The following SIX6 variants were observed in gnomAD, a reference collection of about 807,000 sequenced individuals.
The protein encoded by SIX6 is SIX homeobox 6, also known as homeobox protein SIX6.
A neutral mutation model predicts 23.6 loss-of-function variants in SIX6; 14 were observed. The observed-to-expected ratio is 0.59, with a 90% CI of 0.39 to 0.93. The LOEUF (loss-of-function observed/expected upper bound fraction) is 0.93. Among genes scored for constraint, SIX6 ranks in the 40% least tolerant of loss-of-function variants. The probability of loss-of-function intolerance (pLI) is 0.00; values close to 1 mark genes in which losing one functional copy is unlikely to be tolerated. For missense variants in SIX6, 307 were observed against 325.6 expected, an observed-to-expected ratio of 0.94 and a Z score of 0.44; for synonymous variants, 128 against 144.9, an observed-to-expected ratio of 0.88 and a Z score of 0.84.
rs1213792967 is a variant in SIX6 at position 60,509,576 on chromosome 14, G to C, written c.178G>C (p.Val60Leu). The change falls in exon 1 of 2, where the codon GTG (valine) becomes CTG (leucine). Residue 60 changes from valine (V) to leucine (L), a missense_variant. Val to Leu is a conservative substitution (Grantham distance 32, BLOSUM62 1). Coordinates refer to ENST00000327720, the MANE Select transcript of SIX6 (RefSeq NM_007374.3). ...NESVLRARAI[V>L]AFHGGNYREL... is the part of the protein sequence containing the mutation. ...GTCGGTGCTACGCGCACGAGCCATC[G>C]TGGCCTTTCACGGTGGCAACTACCG... The C allele has an allele frequency of 1.2e-6, 2 of 1,612,808 alleles. No individual in the cohort carries two copies. The highest frequency in any genetic ancestry group is 1.7e-6 in the Non-Finnish European group (2 of 1,180,042).
Position 60,509,366 on chromosome 14 carries a change from C to A in SIX6, c.-33C>A, listed in dbSNP as rs770132232. ...CATCTGCTGCGTGTCCCGCTCCGGG[C>A]TCAGTGCCCTCGCCGCCGCCGGCAC... On this transcript the variant is annotated 5_prime_UTR_variant, in exon 1 of 2. Coordinates refer to ENST00000327720, the MANE Select transcript of SIX6 (RefSeq NM_007374.3). 1.1e-5 allele frequency: 18 copies of A among 1,583,808 alleles called. No individual in the cohort carries two copies. The highest frequency in any genetic ancestry group is 1.7e-4 in the Middle Eastern group (1 of 6,058).
chr14:60,511,392 C>T lies in SIX6; in HGVS notation c.*140C>T, dbSNP rs934235500. On this transcript the variant is annotated 3_prime_UTR_variant, in exon 2 of 2. Transcript: ENST00000327720. ...CCAGGGACCCGCGGGCTCGGGTTGC[C>T]GTTTCCCGCCCCACCCCGCGGCCGG... 4.8e-6 allele frequency: 5 copies of T among 1,039,116 alleles called. No homozygotes were observed. The highest frequency in any genetic ancestry group is 7.3e-6 in the Non-Finnish European group (5 of 689,120). 64.4% of individuals were successfully genotyped at this position (1,039,116 alleles called of 1,614,324 possible).
In SIX6 at chr14:60,512,358, T is replaced by TG. The variant is rs1397540389; in HGVS notation, c.*1107dup. 1 of 152,228 alleles carries TG rather than the reference T, an allele frequency of 6.6e-6. No homozygotes were observed. The highest frequency in any genetic ancestry group is 2.4e-5 in the African/African-American group (1 of 41,458). 9.4% of individuals were successfully genotyped at this position (152,228 alleles called of 1,614,324 possible). On this transcript the variant is annotated 3_prime_UTR_variant, in exon 2 of 2. Transcript: ENST00000327720. ...CAAAAGCAGCAGGCACCCATGATCA[T>TG]GCTAGAGTGAGCATATACTGCATTT...
intron 1 of SIX6, among the ~76,000 whole-genome samples, chr14:60,510,817 T>C (rs570504249): frequency 6.6e-6 from 1 of 152,244 alleles, no homozygotes; most frequent in African/African-American, 2.4e-5. Flanking sequence ...GGGAGGACAC[T>C]GCAAGCCCAG....
chr14:60,509,397 C>G lies in SIX6; in HGVS notation c.-2C>G. 1.3e-6 allele frequency: 2 copies of G among 1,599,238 alleles called. No homozygotes were observed. The highest frequency in any genetic ancestry group is 1.7e-6 in the Non-Finnish European group (2 of 1,179,822). Reference sequence around the variant, plus strand: ...GCCCTCGCCGCCGCCGGCACTGCCTCGATGTTCCAGCTGCCCATCTTGAAT... The same window carrying G: ...GCCCTCGCCGCCGCCGGCACTGCCTGGATGTTCCAGCTGCCCATCTTGAAT... On this transcript the variant is annotated 5_prime_UTR_variant, in exon 1 of 2. Transcript: ENST00000327720.
chr14:60,509,690 G>T lies in SIX6; in HGVS notation c.292G>T (p.Glu98Ter). The T allele has an allele frequency of 1.9e-6, 3 of 1,614,114 alleles. No individual in the cohort carries two copies. The highest frequency in any genetic ancestry group is 2.5e-6 in the Non-Finnish European group (3 of 1,180,032). ...GCTGTGGCTTGAAGCACACTACCAGGAGGCTGAGAAGCTGCGTGGAAGACC... is the reference window on the plus strand; with the variant it reads ...GCTGTGGCTTGAAGCACACTACCAGTAGGCTGAGAAGCTGCGTGGAAGACC... ...QALWLEAHYQ[E>*]AEKLRGRPLG... Residue 98 changes from glutamate (E) to a stop codon, truncating the protein, a stop_gained, in exon 1 of 2, where the codon GAG becomes TAG. Coordinates refer to ENST00000327720, the MANE Select transcript of SIX6 (RefSeq NM_007374.3). LOFTEE classifies it high-confidence loss of function.
rs896131760 is a variant in SIX6, at chr14:60,511,577, T to C, written c.*325T>C. 6 of 509,300 alleles carry C rather than the reference T, an allele frequency of 1.2e-5. No individual in the cohort carries two copies. Among genetic ancestry groups the C allele is most frequent in the South Asian group, 8.4e-5 (4 of 47,448 alleles). The allele number at this position is 509,300 out of a possible 1,614,324, so 31.5% of individuals were successfully genotyped here. A position where few individuals can be genotyped will look rare whatever the true frequency, so the allele number is the denominator to read the frequency against. ...CTGAGCGCCTGCCCAGATTCTCCCA[T>C]GGGTATTTCACGTCGAAAGGACGCT... On this transcript the variant is annotated 3_prime_UTR_variant, in exon 2 of 2. Transcript: ENST00000327720.
Position 60,509,724 on chromosome 14 carries a change from C to T in SIX6, c.326C>T (p.Pro109Leu). Residue 109 changes from proline (P) to leucine (L), a missense_variant, in exon 1 of 2, where the codon CCT becomes CTT. Physicochemically the swap from Pro to Leu is moderately conservative, Grantham distance 98. Coordinates refer to ENST00000327720, the MANE Select transcript of SIX6 (RefSeq NM_007374.3). ...AEKLRGRPLG[P>L]VDKYRVRKKF... Reference sequence around the variant, plus strand: ...AAGCTGCGTGGAAGACCCCTGGGACCTGTGGACAAGTACCGAGTAAGGAAG... The same window carrying T: ...AAGCTGCGTGGAAGACCCCTGGGACTTGTGGACAAGTACCGAGTAAGGAAG... 6.2e-7 allele frequency: 1 copy of T among 1,614,156 alleles called. No individual in the cohort carries two copies. The highest frequency in any genetic ancestry group is 8.5e-7 in the Non-Finnish European group (1 of 1,179,996).
Position 60,509,308 on chromosome 14 carries a change from C to T in SIX6, c.-91C>T. The T allele has an allele frequency of 3.5e-6, 4 of 1,153,386 alleles. No homozygotes were observed. The highest frequency in any genetic ancestry group is 4.7e-5 in the East Asian group (2 of 42,298). 71.4% of individuals were successfully genotyped at this position (1,153,386 alleles called of 1,614,324 possible). ...CCGCTGCCCCAATCCGCCTCATCAA[C>T]AAGCGCCTGGCACACTCAGCCAGGC... On this transcript the variant is annotated 5_prime_UTR_variant, in exon 1 of 2. Coordinates refer to ENST00000327720, the MANE Select transcript of SIX6 (RefSeq NM_007374.3).
Position 60,511,127 on chromosome 14 carries a change from C to A in SIX6, c.616C>A (p.Arg206=), listed in dbSNP as rs148118869. The part of the protein sequence containing the change: ...VLSQGSGRAL[R]AEGDGTPEVL... ...GTCACAGGGTTCCGGGCGGGCACTA[C>A]GGGCGGAGGGCGACGGCACGCCAGA... The change falls in exon 2 of 2, where the codon CGG becomes AGG. Residue 206 remains arginine, a synonymous_variant. Transcript: ENST00000327720. 1.2e-5 allele frequency: 20 copies of A among 1,612,688 alleles called. No homozygotes were observed. In the African/African-American group the frequency reaches 2.1e-4, roughly 17 times the overall value.
Position 60,511,280 on chromosome 14 carries a change from G to C in SIX6, c.*28G>C. On this transcript the variant is annotated 3_prime_UTR_variant, in exon 2 of 2. Coordinates refer to ENST00000327720, the MANE Select transcript of SIX6 (RefSeq NM_007374.3). ...TGCCCATCCAGGATGCTCAGAAGCA[G>C]ATTCCAGTGTAAAAACGAGAAAAAC... 6.2e-7 allele frequency: 1 copy of C among 1,611,190 alleles called. No homozygotes were observed. Among genetic ancestry groups the C allele is most frequent in the Non-Finnish European group, 8.5e-7 (1 of 1,178,004 alleles).
Position 60,511,748 on chromosome 14 carries a change from T to C in SIX6, c.*496T>C, listed in dbSNP as rs918611685. The stretch of plus-strand genomic sequence containing the variant: ...TTCTAAACATGCAGGCTGGTGGTGA[T>C]GGGTTCTGTGTGGAGAAGCCAAACA... On this transcript the variant is annotated 3_prime_UTR_variant, in exon 2 of 2. Coordinates refer to ENST00000327720, the MANE Select transcript of SIX6 (RefSeq NM_007374.3). 21 of 221,466 alleles carry C rather than the reference T, an allele frequency of 9.5e-5. No individual in the cohort carries two copies. Among genetic ancestry groups the C allele is most frequent in the Middle Eastern group, 1.9e-3 (1 of 534 alleles). The allele number at this position is 221,466 out of a possible 1,614,324, so 13.7% of individuals were successfully genotyped here.
At chr14:60,511,044 T>C (rs769843077) in intron 1 of SIX6, 40 bp from the exon 2 acceptor site, 1 of 1,602,442 alleles carries the variant, frequency 6.2e-7, no homozygotes, top group Non-Finnish European at 8.5e-7. Flanking sequence ...CGGGCGGCTG[T>C]GTTACGAGCT....
At position 60,511,714 on chromosome 14, in the gene SIX6, A is replaced by G. The variant is rs578089642; in HGVS notation, c.*462A>G. On this transcript the variant is annotated 3_prime_UTR_variant, in exon 2 of 2. Transcript: ENST00000327720. ...GGTAGGTTTCTCTGTAGCTTGGGGAACTTGCTGTTTCTAAACATGCAGGCT... is the reference window on the plus strand; with the variant it reads ...GGTAGGTTTCTCTGTAGCTTGGGGAGCTTGCTGTTTCTAAACATGCAGGCT... 2.7e-4 allele frequency: 63 copies of G among 236,182 alleles called. No individual in the cohort carries two copies. The South Asian group carries it at 3.4e-3, about 13-fold the overall frequency. The allele number at this position is 236,182 out of a possible 1,614,324, so 14.6% of individuals were successfully genotyped here. A position where few individuals can be genotyped will look rare whatever the true frequency, so the allele number is the denominator to read the frequency against.
At position 60,511,167 on chromosome 14, in the gene SIX6, C is replaced by T. The variant is rs767750775; in HGVS notation, c.656C>T (p.Ala219Val). 3 of 1,612,358 alleles carry T rather than the reference C, an allele frequency of 1.9e-6. No individual in the cohort carries two copies. The highest frequency in any genetic ancestry group is 1.6e-4 in the Middle Eastern group (1 of 6,084). ...GGCACGCCAGAGGTGCTGGGCGTCG[C>T]CACCAGCCCGGCCGCCAGTCTATCC... The part of the protein sequence containing the change: ...GDGTPEVLGV[A>V]TSPAASLSSK... Residue 219 changes from alanine to valine, a missense_variant, in exon 2 of 2, where the codon GCC becomes GTC. Physicochemically the swap from Ala to Val is moderately conservative, Grantham distance 64 (BLOSUM62 0). Coordinates refer to ENST00000327720, the MANE Select transcript of SIX6 (RefSeq NM_007374.3).
In SIX6 at chr14:60,509,705, C is replaced by T. The variant is rs779088115; in HGVS notation, c.307C>T (p.Arg103Cys). ...ACACTACCAGGAGGCTGAGAAGCTG[C>T]GTGGAAGACCCCTGGGACCTGTGGA... Reference protein sequence around the residue: ...EAHYQEAEKLRGRPLGPVDKY... With the variant: ...EAHYQEAEKLCGRPLGPVDKY... The change falls in exon 1 of 2, where the codon CGT (arginine) becomes TGT (cysteine). Residue 103 changes from arginine (R) to cysteine (C), a missense_variant. Transcript: ENST00000327720. The T allele has an allele frequency of 1.2e-6, 2 of 1,614,110 alleles. No individual in the cohort carries two copies. Among genetic ancestry groups the T allele is most frequent in the Non-Finnish European group, 1.7e-6 (2 of 1,180,022 alleles).
chr14:60,511,129 G>A lies in SIX6; in HGVS notation c.618G>A (p.Arg206=), dbSNP rs756162271. 6.2e-7 allele frequency: 1 copy of A among 1,612,842 alleles called. No individual in the cohort carries two copies. Among genetic ancestry groups the A allele is most frequent in the Non-Finnish European group, 8.5e-7 (1 of 1,179,862 alleles). ...CACAGGGTTCCGGGCGGGCACTACG[G>A]GCGGAGGGCGACGGCACGCCAGAGG... ...VLSQGSGRAL[R]AEGDGTPEVL... is the part of the protein sequence containing the mutation. Residue 206 remains arginine (R), a synonymous_variant, in exon 2 of 2, where the codon CGG becomes CGA. Transcript: ENST00000327720.
chr14:60,509,900 A>G lies in SIX6; in HGVS notation c.502A>G (p.Thr168Ala), dbSNP rs905808214. Residue 168 changes from threonine to alanine, a missense_variant, in exon 1 of 2, where the codon ACC becomes GCC. Coordinates refer to ENST00000327720, the MANE Select transcript of SIX6 (RefSeq NM_007374.3). ...TGAGCTCGCCCAGGCAACCGGACTG[A>G]CCCCTACGCAGGTGGGCAACTGGTT... ...KRELAQATGLTPTQVGNWFKN... is the reference protein window; with the variant it reads ...KRELAQATGLAPTQVGNWFKN... The G allele has an allele frequency of 2.5e-6, 4 of 1,612,580 alleles. No individual in the cohort carries two copies. The highest frequency in any genetic ancestry group is 3.4e-6 in the Non-Finnish European group (4 of 1,179,212).
Position 60,509,211 on chromosome 14 carries a change from A to G in SIX6, c.-188A>G. 1 of 608,882 alleles carries G rather than the reference A, an allele frequency of 1.6e-6. No homozygotes were observed. The highest frequency in any genetic ancestry group is 2.9e-6 in the Non-Finnish European group (1 of 342,726). The allele number at this position is 608,882 out of a possible 1,614,324, so 37.7% of individuals were successfully genotyped here. ...GCCGAGCCCGAACCCCAAGCCGCGGAGCCAGCACCTCCTCCAGTCGGGGTC... is the reference window on the plus strand; with the variant it reads ...GCCGAGCCCGAACCCCAAGCCGCGGGGCCAGCACCTCCTCCAGTCGGGGTC... On this transcript the variant is annotated 5_prime_UTR_variant, in exon 1 of 2. Transcript: ENST00000327720.
Sources: allele counts gnomAD v4.1 joint callset (sites outside exome capture counted in the v4.1 genomes callset), GRCh38; gene constraint gnomAD v4.1.1; transcripts MANE v1.5; gene names NCBI Gene and HGNC (gene_info 2026-07-23, HGNC 2026-07-21).